NFASC: variants seen among roughly 807,000 people sequenced by gnomAD.
NFASC encodes neurofascin.
Under a neutral mutation model 147.5 loss-of-function variants are expected in NFASC, and 43 were observed. That is an observed-to-expected ratio of 0.29 (90% confidence interval 0.23 to 0.38). The LOEUF is 0.38. Ranked by LOEUF, NFASC falls within the 10% of genes least tolerant of loss-of-function variation. NFASC has a pLI of 1.00. For synonymous variants in NFASC, 622 were observed against 665.5 expected (o/e 0.93, Z 1.01); for missense variants, 1,320 against 1,689.0 (o/e 0.78, Z 3.83).
At chr1:204,983,207 G>T (rs72753423) in intron 21 of NFASC, among the ~76,000 whole-genome samples, 1 of 152,196 alleles carries the variant, frequency 6.6e-6, no homozygotes, top group Non-Finnish European at 1.5e-5. Context: ...CTGCTTTTGC[G>T]GCAGAGTGGA....
rs201849309 is a variant in NFASC, at chr1:204,975,618, CCT to C, written c.1706+206_1706+207del. On this transcript the variant is annotated intron_variant, in intron 15 of 29. Transcript: ENST00000339876. The surrounding 1 kb of genome is among the most constrained non-coding windows in gnomAD (Gnocchi z 4.0). ...CCCCCCACCGACCCTGTACAACCTC[CCT>C]CTCTCCCACCAGCTCCCTGCTTCTC... 1.3e-5 allele frequency among the ~76,000 whole-genome samples: 2 copies of C among 152,220 alleles called. No individual in the cohort carries two copies. The highest frequency in any genetic ancestry group is 2.1e-4 in the South Asian group (1 of 4,822).
intron 25 of NFASC, chr1:204,999,004 G>A (rs1186173711): frequency 1.3e-5 from 2 of 152,190 alleles, no homozygotes; most frequent in Non-Finnish European, 2.9e-5. Flanking sequence ...GGCTGTCTAG[G>A]ACTTTAAAAA....
At chr1:204,994,457 A>G (rs1402967525) in intron 24 of NFASC, among the ~76,000 whole-genome samples, 1 of 152,094 alleles carries the variant, frequency 6.6e-6, no homozygotes, top group Admixed American at 6.5e-5. Context: ...GCCCCCAGCT[A>G]TGGCCCTGTT....
chr1:204,888,955 C>T (rs539753696), intron 1 of NFASC, among the ~76,000 whole-genome samples: 1 of 152,152 alleles, frequency 6.6e-6, no homozygotes, highest in Non-Finnish European at 1.5e-5. Flanking sequence ...TCTGAATGAT[C>T]CCAGCTTGAG....
At chr1:204,985,855 C>A in intron 21 of NFASC, 1 of 1,225,636 alleles carries the variant, frequency 8.2e-7, no homozygotes, top group Non-Finnish European at 1.2e-6. Context: ...CCACCACTAA[C>A]AACTAACCCA....
chr1:204,834,618 ATGT>A (rs964331373), intron 1 of NFASC, among the ~76,000 whole-genome samples: 5 of 152,058 alleles, frequency 3.3e-5, no homozygotes, highest in African/African-American at 1.2e-4. Context: ...GATGCTAATC[ATGT>A]TGTTATTTTT....
intron 1 of NFASC, among the ~76,000 whole-genome samples, chr1:204,832,719 A>C (rs952544803): frequency 2.0e-5 from 3 of 152,230 alleles, no homozygotes; most frequent in African/African-American, 7.2e-5. Flanking sequence ...TTGGGCATGT[A>C]AGTCAAATTG....
rs1290007781 is a variant in NFASC, at chr1:205,019,791, A to T, written c.*3252A>T. Reference sequence around the variant, plus strand: ...GCTTGAGAAACAGTCCTGCTTCCTGAGCCTCTTTGCTCTGCCTCTTGGGGC... The same window carrying T: ...GCTTGAGAAACAGTCCTGCTTCCTGTGCCTCTTTGCTCTGCCTCTTGGGGC... On this transcript the variant is annotated 3_prime_UTR_variant, in exon 30 of 30. Coordinates refer to ENST00000339876, the MANE Select transcript of NFASC (RefSeq NM_001005388.3). 6.6e-6 allele frequency: 1 copy of T among 152,224 alleles called. No individual in the cohort carries two copies. Among genetic ancestry groups the T allele is most frequent in the Non-Finnish European group, 1.5e-5 (1 of 68,054 alleles). 9.4% of individuals were successfully genotyped at this position (152,224 alleles called of 1,614,324 possible). A position where few individuals can be genotyped will look rare whatever the true frequency, so the allele number is the denominator to read the frequency against.
chr1:204,987,657 G>T lies in NFASC; in HGVS notation c.2593+117G>T. ...GTGGGTGCAGATGGCATTGTGGAGG[G>T]ATGGAGGGGCCAACGAAACAGTTCC... On this transcript the variant is annotated intron_variant, in intron 22 of 29. Transcript: ENST00000339876. The surrounding 1 kb of genome is among the most constrained non-coding windows in gnomAD (Gnocchi z 4.4). 8.3e-7 allele frequency: 1 copy of T among 1,209,196 alleles called. No individual in the cohort carries two copies. Among genetic ancestry groups the T allele is most frequent in the South Asian group, 1.4e-5 (1 of 73,576 alleles). 74.9% of individuals were successfully genotyped at this position (1,209,196 alleles called of 1,614,324 possible).
intron 1 of NFASC, among the ~76,000 whole-genome samples, chr1:204,833,602 T>C (rs578008185): frequency 1.1e-4 from 16 of 152,246 alleles, no homozygotes; most frequent in Non-Finnish European, 1.9e-4. Flanking sequence ...GATAGAAATG[T>C]GGTTCCTGCT....
At chr1:204,857,012 CT>C (rs2076213972) in intron 1 of NFASC, among the ~76,000 whole-genome samples, 1 of 152,160 alleles carries the variant, frequency 6.6e-6, no homozygotes, top group African/African-American at 2.4e-5. Context: ...GTTTGAGTAC[CT>C]GCTTTCGATT....
intron 1 of NFASC, among the ~76,000 whole-genome samples, chr1:204,874,904 A>G (rs1249146444): frequency 2.0e-5 from 3 of 152,054 alleles, no homozygotes; most frequent in African/African-American, 7.3e-5. Context: ...CTTTCTGGCT[A>G]CCCTCAGTCA....
At chr1:204,829,090 C>T (rs1404823134) in intron 1 of NFASC, among the ~76,000 whole-genome samples, 1 of 142,406 alleles carries the variant, frequency 7.0e-6, no homozygotes, top group East Asian at 2.1e-4. Context: ...TCTCTGTCCC[C>T]GCCTCATCCG....
chr1:204,913,815 A>C (rs2088388832), intron 1 of NFASC, among the ~76,000 whole-genome samples: 1 of 151,566 alleles, frequency 6.6e-6, no homozygotes, highest in Non-Finnish European at 1.5e-5. Context: ...ATCACTTGAG[A>C]CTGGCAGATC....
chr1:204,853,373 C>G (rs2075863715), intron 1 of NFASC, among the ~76,000 whole-genome samples: 1 of 152,170 alleles, frequency 6.6e-6, no homozygotes, highest in African/African-American at 2.4e-5. Context: ...TCCTCTTCAA[C>G]TTTAGTTATT....
chr1:205,013,604 A>T (rs995616596), intron 29 of NFASC, among the ~76,000 whole-genome samples: 2 of 152,172 alleles, frequency 1.3e-5, no homozygotes, highest in African/African-American at 4.8e-5. Flanking sequence ...TCCTACCTGG[A>T]TGCATCTTTG....
intron 21 of NFASC, among the ~76,000 whole-genome samples, chr1:204,982,566 C>A (rs1490362069): frequency 6.6e-6 from 1 of 152,224 alleles, no homozygotes; most frequent in African/African-American, 2.4e-5. Context: ...CGCTGCGGCT[C>A]CCAGCCCTGG....
Position 204,870,011 on chromosome 1 carries a change from A to G in NFASC, c.-200+41229A>G, listed in dbSNP as rs182342863. Among the ~76,000 whole-genome samples the G allele has an allele frequency of 3.3e-3, 504 of 152,056 alleles. 3 individuals carry two copies. The highest frequency in any genetic ancestry group is 0.012 in the African/African-American group (487 of 41,460). On this transcript the variant is annotated intron_variant, in intron 1 of 29. Transcript: ENST00000339876. ...TTAAGATGTTTTCATGTTTTTCCAA[A>G]CTCCCTTCTGGGAATGCTGTTATCA...
chr1:204,963,337 G>A (rs1401276475), intron 8 of NFASC, among the ~76,000 whole-genome samples: 2 of 152,216 alleles, frequency 1.3e-5, no homozygotes, highest in South Asian at 2.1e-4. Flanking sequence ...GAGCCCCAGA[G>A]CCCTGGTATG....
Sources: gnomAD v4.1 joint callset for allele counts (sites outside exome capture counted in the v4.1 genomes callset) on GRCh38, gnomAD v4.1.1 for gene constraint, Gnocchi (gnomAD v3.1) non-coding constraint, MANE v1.5 for transcripts, NCBI Gene and HGNC (gene_info 2026-07-23, HGNC 2026-07-21) for gene names.